Variants in ZNF831 observed in about 807,000 individuals in gnomAD.
The protein encoded by ZNF831 is zinc finger protein 831.
Under a neutral mutation model 95.8 loss-of-function variants are expected in ZNF831, and 59 were observed. The ratio of observed to expected loss-of-function variants is 0.62; its 90% CI spans 0.50 to 0.77. The LOEUF is 0.77. Ranked by LOEUF, ZNF831 falls within the 30% of genes least tolerant of loss-of-function variation. The pLI, the probability that ZNF831 is intolerant of heterozygous loss-of-function variation, is 0.00. For missense variants in ZNF831, 2,205 were observed against 2,164.0 expected, an observed-to-expected ratio of 1.02 and a Z score of -0.38; for synonymous variants, 961 against 925.5, an observed-to-expected ratio of 1.04 and a Z score of -0.70.
At chr20:59,246,418 A>C (rs544625697) in intron 4 of ZNF831, among the ~76,000 whole-genome samples, 16 of 152,238 alleles carry the variant, frequency 1.1e-4, no homozygotes, top group African/African-American at 3.9e-4. Context: ...AGAGACCCAC[A>C]TAGACAATTT....
At chr20:59,213,670 C>T (rs906935700) in intron 4 of ZNF831, among the ~76,000 whole-genome samples, 1 of 152,148 alleles carries the variant, frequency 6.6e-6, no homozygotes, top group Non-Finnish European at 1.5e-5. Context: ...TGAGCATGAA[C>T]AAGAGCGAGC....
intron 4 of ZNF831, among the ~76,000 whole-genome samples, chr20:59,247,062 C>T (rs1263328689): frequency 6.6e-6 from 1 of 152,162 alleles, no homozygotes; most frequent in South Asian, 2.1e-4. Context: ...AATAGGATTG[C>T]AGAAACAAAT....
intron 1 of ZNF831, among the ~76,000 whole-genome samples, chr20:59,127,883 G>A (rs898164741): frequency 6.6e-6 from 1 of 152,254 alleles, no homozygotes; most frequent in African/African-American, 2.4e-5. Flanking sequence ...AGGATGCAGA[G>A]TGGAGCCTTC....
rs2146565180 is a variant in ZNF831, at chr20:59,192,413, G to T, written c.1394G>T (p.Arg465Met). ...CGCGCGCTGGAGCCAGGCCGTAGGA[G>T]GGCCCCGGGCCCCGTGCGCTCCACC... ...DIRALEPGRR[R>M]APGPVRSTWT... Residue 465 changes from arginine to methionine, a missense_variant, in exon 2 of 6, where the codon AGG becomes ATG. By Grantham distance (91) the Arg-to-Met change is moderately conservative. Coordinates refer to ENST00000371030, the MANE Select transcript of ZNF831 (RefSeq NM_178457.3). The surrounding 1 kb of genome is among the most constrained non-coding windows in gnomAD (Gnocchi z 5.2). The T allele has an allele frequency of 6.2e-6, 10 of 1,611,074 alleles. No homozygotes were observed. The highest frequency in any genetic ancestry group is 8.5e-6 in the Non-Finnish European group (10 of 1,179,052).
At chr20:59,239,656 T>C (rs960786342) in intron 4 of ZNF831, among the ~76,000 whole-genome samples, 9 of 151,492 alleles carry the variant, frequency 5.9e-5, no homozygotes, top group African/African-American at 2.2e-4. Context: ...GCGATTCTCC[T>C]GCCTCAGCCT....
chr20:59,206,974 G>A lies in ZNF831; in HGVS notation c.3945G>A (p.Val1315=), dbSNP rs2146637424. ...RASRLRTPTW[V]RRRSRHPPAL... ...GTAGACTTCGCACACCAACCTGGGT[G>A]CGAAGAAGAAGCCGCCACCCTCCCG... is the stretch of plus-strand genomic sequence containing the variant. Residue 1315 remains valine (V), a synonymous_variant, in exon 4 of 6, where the codon GTG becomes GTA. Transcript: ENST00000371030. The A allele has an allele frequency of 6.2e-7, 1 of 1,614,236 alleles. No individual in the cohort carries two copies. The highest frequency in any genetic ancestry group is 8.5e-7 in the Non-Finnish European group (1 of 1,180,048).
chr20:59,131,268 G>T (rs1007778078), intron 1 of ZNF831, among the ~76,000 whole-genome samples: 1 of 152,090 alleles, frequency 6.6e-6, no homozygotes, highest in Non-Finnish European at 1.5e-5. Flanking sequence ...TGTACTTCAC[G>T]TTCATCTCCA....
intron 1 of ZNF831, among the ~76,000 whole-genome samples, chr20:59,166,431 T>A (rs981966071): frequency 3.3e-5 from 5 of 152,226 alleles, no homozygotes; most frequent in Admixed American, 6.5e-5. Flanking sequence ...AGAGATCCCA[T>A]GTGTTTTTTA....
chr20:59,201,227 C>T (rs1466612846), intron 3 of ZNF831, among the ~76,000 whole-genome samples: 1 of 152,140 alleles, frequency 6.6e-6, no homozygotes, highest in Non-Finnish European at 1.5e-5. Context: ...ATTTCCCTAA[C>T]AAGTGATGAT....
intron 4 of ZNF831, among the ~76,000 whole-genome samples, chr20:59,251,924 A>G (rs1028633925): frequency 6.6e-6 from 1 of 152,230 alleles, no homozygotes; most frequent in Non-Finnish European, 1.5e-5. Flanking sequence ...TAAACATGGA[A>G]TATTCGCCTA....
In ZNF831 at chr20:59,208,509, A is replaced by G. The variant is rs116495830; in HGVS notation, c.4027+1453A>G. Among the ~76,000 whole-genome samples, 476 of 152,180 alleles carry G rather than the reference A, an allele frequency of 3.1e-3. 1 individual carries two copies. Among genetic ancestry groups the G allele is most frequent in the African/African-American group, 0.011 (463 of 41,512 alleles). On this transcript the variant is annotated intron_variant, in intron 4 of 5. Transcript: ENST00000371030. This position sits in a 1 kb window ranked among gnomAD's most constrained non-coding sequence, Gnocchi z 4.2. ...CTCGTCTCTCCTTAAGAGTTTTCCAATGTATAACCCACAGCTGGGAATCCA... is the reference window on the plus strand; with the variant it reads ...CTCGTCTCTCCTTAAGAGTTTTCCAGTGTATAACCCACAGCTGGGAATCCA...
intron 3 of ZNF831, among the ~76,000 whole-genome samples, chr20:59,201,012 C>G (rs2146621893): frequency 6.6e-6 from 1 of 152,168 alleles, no homozygotes; most frequent in South Asian, 2.1e-4. Context: ...GGTGAAAAGC[C>G]TGGATCATAT....
intron 4 of ZNF831, among the ~76,000 whole-genome samples, chr20:59,231,681 C>T (rs559146089): frequency 6.6e-6 from 1 of 152,320 alleles, no homozygotes; most frequent in African/African-American, 2.4e-5. Context: ...CAATTTCTTC[C>T]GCTTTCAAAC....
At position 59,190,981 on chromosome 20, in the gene ZNF831, CA is replaced by C. The variant is rs1983452408; in HGVS notation, c.-36-2del. 6.8e-7 allele frequency: 1 copy of C among 1,463,500 alleles called. No homozygotes were observed. The allele number at this position is 1,463,500 out of a possible 1,614,324, so 90.7% of individuals were successfully genotyped here. A position where few individuals can be genotyped will look rare whatever the true frequency, so the allele number is the denominator to read the frequency against. ...CATGGTAAAGTTTGGTTGTTGTCTG[CA>C]GGTTTTCCAGCATTGTGGGCCATCC... On this transcript the variant is annotated splice_acceptor_variant, in intron 1 of 5. Transcript: ENST00000371030. LOFTEE classifies it low-confidence loss of function (5UTR_SPLICE).
chr20:59,227,389 A>G (rs999188298), intron 4 of ZNF831, among the ~76,000 whole-genome samples: 3 of 152,212 alleles, frequency 2.0e-5, no homozygotes, highest in Non-Finnish European at 4.4e-5. Context: ...AGGTGCTCTG[A>G]GATCTCATTA....
At chr20:59,158,708 A>G (rs1029235604) in intron 2 of ZNF831, among the ~76,000 whole-genome samples, 1 of 152,120 alleles carries the variant, frequency 6.6e-6, no homozygotes, top group African/African-American at 2.4e-5. Context: ...TTGGTTTTTA[A>G]CTTTTTACCT....
At chr20:59,253,668 C>T (rs1007512623) in intron 5 of ZNF831, among the ~76,000 whole-genome samples, 1 of 152,282 alleles carries the variant, frequency 6.6e-6, no homozygotes, top group Non-Finnish European at 1.5e-5. Flanking sequence ...GATAAAAGCA[C>T]AGGACGTCAG....
At chr20:59,203,505 T>C (rs535644395) in intron 3 of ZNF831, among the ~76,000 whole-genome samples, 1 of 152,258 alleles carries the variant, frequency 6.6e-6, no homozygotes, top group East Asian at 1.9e-4. Context: ...TTTAAAAGCT[T>C]ATCCATATAA....
chr20:59,213,543 C>T (rs974696869), intron 4 of ZNF831, among the ~76,000 whole-genome samples: 8 of 152,260 alleles, frequency 5.3e-5, no homozygotes, highest in East Asian at 1.9e-4. Context: ...GCAATGTAGC[C>T]GGTCCTCAAT....
Sources: allele counts gnomAD v4.1 joint callset (sites outside exome capture counted in the v4.1 genomes callset), GRCh38; gene constraint gnomAD v4.1.1; non-coding constraint Gnocchi (gnomAD v3.1); transcripts MANE v1.5; gene names NCBI Gene and HGNC (gene_info 2026-07-23, HGNC 2026-07-21).